The following CEMIP2 variants were observed in gnomAD, a reference collection of about 807,000 sequenced individuals.
CEMIP2 encodes cell migration inducing hyaluronidase 2, also known as cell surface hyaluronidase CEMIP2.
Under a neutral mutation model 146.9 loss-of-function variants are expected in CEMIP2, and 79 were observed. The observed-to-expected ratio is 0.54, with a 90% CI of 0.45 to 0.65. The LOEUF (loss-of-function observed/expected upper bound fraction) is 0.65. CEMIP2 is among the 30% of genes least tolerant of loss of function. The pLI is 0.00. For synonymous variants in CEMIP2, 601 were observed against 606.3 expected (o/e 0.99, Z 0.13); for missense variants, 1,596 against 1,696.2 (o/e 0.94, Z 1.04).
intron 10 of CEMIP2, among the ~76,000 whole-genome samples, chr9:71,728,209 CTCTCTCTCTCTCTCTCTCTCTCTA>C: frequency 2.6e-5 from 1 of 38,010 alleles, no homozygotes; most frequent in East Asian, 6.4e-4. Flanking sequence ...CTCTCTCTCT[CTCTCTCTCTCTCTCTCTCTCTCTA>C]TATATATATA....
chr9:71,764,886 A>T (rs1824741205), intron 1 of CEMIP2, among the ~76,000 whole-genome samples: 1 of 151,600 alleles, frequency 6.6e-6, no homozygotes. Context: ...GGATTTTCAT[A>T]CTCTCAAAAA....
In CEMIP2 at chr9:71,700,774, T is replaced by G. The variant is rs1260888756; in HGVS notation, c.3245A>C (p.Gln1082Pro). Reference protein sequence around the residue: ...GLCYPSNTSFQVTFGYLQRQN... With the variant: ...GLCYPSNTSFPVTFGYLQRQN... Reference sequence around the variant, plus strand: ...CCGCTGCAAATAGCCAAAGGTAACTTGAAAACTTGTGTTTGATGGATAGCA... The same window carrying G: ...CCGCTGCAAATAGCCAAAGGTAACTGGAAAACTTGTGTTTGATGGATAGCA... Residue 1082 changes from glutamine (Q) to proline (P), a missense_variant, in exon 19 of 24, where the codon CAA (glutamine) becomes CCA (proline). Gln to Pro is a moderately conservative substitution (Grantham distance 76). Transcript: ENST00000377044. 6.2e-7 allele frequency: 1 copy of G among 1,613,966 alleles called. No individual in the cohort carries two copies. The highest frequency in any genetic ancestry group is 1.7e-5 in the Admixed American group (1 of 59,956).
intron 22 of CEMIP2, among the ~76,000 whole-genome samples, chr9:71,687,600 G>C (rs1188751826): frequency 6.6e-6 from 1 of 151,982 alleles, no homozygotes; most frequent in East Asian, 1.9e-4. Flanking sequence ...AGGCTGAGAT[G>C]AGAGGATCAT....
rs25695 is a variant in CEMIP2 at position 71,734,930 on chromosome 9, A to T, written c.1269T>A (p.Asp423Glu). 139,306 of 1,613,714 alleles carry T rather than the reference A, an allele frequency of 0.086. 7,125 individuals are homozygous for T. Among genetic ancestry groups the T allele is most frequent in the South Asian group, 0.19 (17,445 of 91,046 alleles). Residue 423 changes from aspartate (D) to glutamate (E), a missense_variant, in exon 6 of 24, where the codon GAT becomes GAA. Physicochemically the swap from Asp to Glu is conservative, Grantham distance 45 (BLOSUM62 2). Transcript: ENST00000377044. ...GGTCTCCAGGTTTCCAACTACTAAC[A>T]TCATCTAGCAAATTTAGCTTCACTC... ...VDGVKLNLLD[D>E]VSSWKPGDQI...
chr9:71,729,367 C>A (rs1823544853), intron 10 of CEMIP2, among the ~76,000 whole-genome samples: 1 of 151,870 alleles, frequency 6.6e-6, no homozygotes, highest in Admixed American at 6.6e-5. Flanking sequence ...CGCCTGTAAT[C>A]CCAGCACTTT....
rs752099941 is a variant in CEMIP2 at position 71,704,721 on chromosome 9, C to T, written c.3068G>A (p.Arg1023Gln). Residue 1023 changes from arginine to glutamine, a missense_variant, in exon 18 of 24, where the codon CGA (arginine) becomes CAA (glutamine). Arg to Gln is a conservative substitution (Grantham distance 43). Transcript: ENST00000377044. ...DEYPSNPMVL[R>Q]GINQKAAFPQ... ...AAAGGCAGCCTTCTGATTAATACCT[C>T]GGAGCACCATAGGGTTGGACGGATA... 1.6e-5 allele frequency: 26 copies of T among 1,614,052 alleles called. No homozygotes were observed. The highest frequency in any genetic ancestry group is 1.6e-4 in the Middle Eastern group (1 of 6,062).
chr9:71,745,562 C>A lies in CEMIP2; in HGVS notation c.490G>T (p.Asp164Tyr). ...ATATTTCTGGATCCATCTTTATTGT[C>A]CCCAAATACAAGCAGTCCTGCAGGG... ...IQDGGLLVFG[D>Y]NKDGSRNITL... Residue 164 changes from aspartate to tyrosine, a missense_variant, in exon 4 of 24, where the codon GAC becomes TAC. Physicochemically the swap from Asp to Tyr is radical, Grantham distance 160. Transcript: ENST00000377044. 1.6e-5 allele frequency: 25 copies of A among 1,606,110 alleles called. No individual in the cohort carries two copies. Among genetic ancestry groups the A allele is most frequent in the Non-Finnish European group, 2.1e-5 (25 of 1,177,270 alleles).
intron 6 of CEMIP2, among the ~76,000 whole-genome samples, 166 bp from the exon 7 acceptor site, chr9:71,732,686 A>ATTTTTTTTTT (rs59985618): frequency 2.2e-4 from 17 of 75,878 alleles, no homozygotes; most frequent in African/African-American, 8.7e-4. Context: ...GACACGGGGA[A>ATTTTTTTTTT]TTTTTTTTTT....
At chr9:71,759,813 G>T (rs1161473731) in intron 1 of CEMIP2, among the ~76,000 whole-genome samples, 2 of 149,902 alleles carry the variant, frequency 1.3e-5, no homozygotes, top group East Asian at 3.9e-4. Context: ...CTCCTTGTTG[G>T]GGGGTACGGG....
At chr9:71,732,730 G>A (rs559851759) in intron 6 of CEMIP2, among the ~76,000 whole-genome samples, 7 of 100,816 alleles carry the variant, frequency 6.9e-5, no homozygotes, top group African/African-American at 2.5e-4. Flanking sequence ...TTTGTGAGAC[G>A]GAGTCTCACT....
intron 1 of CEMIP2, among the ~76,000 whole-genome samples, chr9:71,763,228 G>T (rs1824691290): frequency 6.6e-6 from 1 of 152,130 alleles, no homozygotes; most frequent in East Asian, 1.9e-4. Flanking sequence ...CTTCAGGGAA[G>T]TGAATCACCA....
In CEMIP2 at chr9:71,734,986, G is replaced by C. The variant is rs1823721819; in HGVS notation, c.1213C>G (p.Leu405Val). 1 of 1,583,558 alleles carries C rather than the reference G, an allele frequency of 6.3e-7. No homozygotes were observed. Among genetic ancestry groups the C allele is most frequent in the African/African-American group, 1.4e-5 (1 of 70,980 alleles). Residue 405 changes from leucine (L) to valine (V), a missense_variant, in exon 6 of 24, where the codon CTT becomes GTT. By Grantham distance (32) the Leu-to-Val change is conservative (BLOSUM62 1). Coordinates refer to ENST00000377044, the MANE Select transcript of CEMIP2 (RefSeq NM_013390.3). The stretch of plus-strand genomic sequence containing the variant: ...ACAACCTCTACCCGGAATCCTGAAA[G>C]AGAAACGCCTAAACCAAAAAAAAAA... ...AYSEWIEGVS[L>V]SGFRVEVVDG... is the part of the protein sequence containing the mutation.
chr9:71,747,442 G>C (rs148841787), intron 2 of CEMIP2, among the ~76,000 whole-genome samples: 1 of 152,182 alleles, frequency 6.6e-6, no homozygotes, highest in Non-Finnish European at 1.5e-5. Flanking sequence ...CAGGTGACTT[G>C]AGAGCTGGAC....
At position 71,728,193 on chromosome 9, in the gene CEMIP2, T is replaced by TTCTCTCTCTCTCTCTC. The variant is rs369654117; in HGVS notation, c.2049+1636_2049+1651dup. On this transcript the variant is annotated intron_variant, in intron 10 of 23. Transcript: ENST00000377044. ...TCTGTCTGGTCAACACAGCGAAACC[T>TTCTCTCTCTCTCTCTC]TCTCTCTCTCTCTCTCTCTCTCTCT... 7.8e-4 allele frequency among the ~76,000 whole-genome samples: 23 copies of TTCTCTCTCTCTCTCTC among 29,610 alleles called. 1 individual carries two copies. The highest frequency in any genetic ancestry group is 2.7e-3 in the African/African-American group (19 of 7,098). The allele number at this position is 29,610 out of a possible 152,430, so 19.4% of individuals were successfully genotyped here.
chr9:71,721,837 G>T (rs1823241206), intron 12 of CEMIP2, among the ~76,000 whole-genome samples: 1 of 152,006 alleles, frequency 6.6e-6, no homozygotes, highest in African/African-American at 2.4e-5. Flanking sequence ...CTTTATTTTG[G>T]CTCATATATA....
chr9:71,732,414 G>C lies in CEMIP2; in HGVS notation c.1500C>G (p.Asp500Glu). The change falls in exon 7 of 24, where the codon GAC becomes GAG. Residue 500 changes from aspartate to glutamate, a missense_variant. Asp to Glu is a conservative substitution (Grantham distance 45). Coordinates refer to ENST00000377044, the MANE Select transcript of CEMIP2 (RefSeq NM_013390.3). ...GGCACTGATTTTCTGCGTAGCATGAGTCCTCCACTTCTCCTTGGATCACAA... is the reference window on the plus strand; with the variant it reads ...GGCACTGATTTTCTGCGTAGCATGACTCCTCCACTTCTCCTTGGATCACAA... The part of the protein sequence containing the change: ...RNIVIQGEVE[D>E]SCYAENQCQF... The C allele has an allele frequency of 2.5e-6, 4 of 1,613,924 alleles. No individual in the cohort carries two copies.
chr9:71,715,063 C>T lies in CEMIP2; in HGVS notation c.2462G>A (p.Gly821Asp), dbSNP rs780396951. Residue 821 changes from glycine (G) to aspartate (D), a missense_variant, in exon 15 of 24, where the codon GGT becomes GAT. By Grantham distance (94) the Gly-to-Asp change is moderately conservative. Transcript: ENST00000377044. ...ASDGSFPSDE[G>D]SSQEVSESLF... is the part of the protein sequence containing the mutation. ...AGATTCAGATACCTCTTGGCTGGAA[C>T]CTTCATCACTTGGGAAGCTTCCATC... 1.9e-6 allele frequency: 3 copies of T among 1,613,862 alleles called. No homozygotes were observed. Among genetic ancestry groups the T allele is most frequent in the East Asian group, 4.5e-5 (2 of 44,864 alleles).
At chr9:71,714,903 T>C (rs957491775) in intron 15 of CEMIP2, 31 bp downstream of exon 15, 1 of 1,598,778 alleles carries the variant, frequency 6.3e-7, no homozygotes, top group African/African-American at 1.4e-5. Context: ...ATTGCTTAAA[T>C]TTAACACTCC....
chr9:71,752,109 G>T (rs1482818963), intron 1 of CEMIP2, among the ~76,000 whole-genome samples: 3 of 151,984 alleles, frequency 2.0e-5, no homozygotes, highest in African/African-American at 7.2e-5. Context: ...GCCCAGGGAG[G>T]TTAATTAACT....
Sources: allele counts gnomAD v4.1 joint callset (sites outside exome capture counted in the v4.1 genomes callset), GRCh38; gene constraint gnomAD v4.1.1; transcripts MANE v1.5; gene names NCBI Gene and HGNC (gene_info 2026-07-23, HGNC 2026-07-21).